Variants in PTPRF observed in about 807,000 individuals in gnomAD.
PTPRF encodes the protein protein tyrosine phosphatase receptor type F.
PTPRF carries 59 observed loss-of-function variants against 201.8 expected under a neutral mutation model. The ratio of observed to expected loss-of-function variants is 0.29; its 90% CI spans 0.24 to 0.36. PTPRF has a LOEUF of 0.36. Among genes scored for constraint, PTPRF ranks in the 10% least tolerant of loss-of-function variants. PTPRF has a pLI of 1.00. For synonymous variants in PTPRF, 1,088 were observed against 1,089.7 expected (o/e 1.00, Z 0.03); for missense variants, 2,132 against 2,690.5 (o/e 0.79, Z 4.59).
upstream of PTPRF, among the ~76,000 whole-genome samples, chr1:43,529,760 C>A (rs1032353702): frequency 7.9e-5 from 12 of 152,094 alleles, no homozygotes; most frequent in Non-Finnish European, 1.3e-4. Flanking sequence ...TCATCAAATC[C>A]CTCTGATCAG....
At chr1:43,540,903 A>T (rs537520313) in intron 2 of PTPRF, among the ~76,000 whole-genome samples, 54 of 152,228 alleles carry the variant, frequency 3.5e-4, no homozygotes, top group Non-Finnish European at 5.6e-4. Context: ...AGCTGGAAAC[A>T]TGTTGGTTTT....
intron 6 of PTPRF, among the ~76,000 whole-genome samples, chr1:43,578,133 G>C (rs772540219): frequency 1.3e-5 from 2 of 152,218 alleles, no homozygotes; most frequent in Non-Finnish European, 2.9e-5. Context: ...GCACTGGCCC[G>C]AGTGAGAGCT....
rs745550474 is a variant in PTPRF, at chr1:43,620,487, T to C, written c.5272T>C (p.Ser1758Pro). Residue 1758 changes from serine to proline, a missense_variant, in exon 31 of 34, where the codon TCT becomes CCT. By Grantham distance (74) the Ser-to-Pro change is moderately conservative. Around this residue, in one of 6 missense-constraint regions of PTPRF, gnomAD observed 519 missense variants for 659.5 expected, o/e 0.79. Coordinates refer to ENST00000359947, the MANE Select transcript of PTPRF (RefSeq NM_002840.5). ...CCACCAGTACTGGCCAGCAGAGCGC[T>C]CTGCTCGCTACCAGTACTTTGTTGT... The part of the protein sequence containing the change: ...KCHQYWPAER[S>P]ARYQYFVVDP... 4 of 1,613,336 alleles carry C rather than the reference T, an allele frequency of 2.5e-6. No individual in the cohort carries two copies. The highest frequency in any genetic ancestry group is 1.7e-5 in the Admixed American group (1 of 60,014).
Position 43,621,990 on chromosome 1 carries a change from A to G in PTPRF, c.5711A>G (p.His1904Arg), listed in dbSNP as rs1659328700. 2 of 1,614,040 alleles carry G rather than the reference A, an allele frequency of 1.2e-6. No homozygotes were observed. Among genetic ancestry groups the G allele is most frequent in the Non-Finnish European group, 1.7e-6 (2 of 1,179,976 alleles). Residue 1904 changes from histidine (H) to arginine (R), a missense_variant, in exon 34 of 34, where the codon CAC becomes CGC. Coordinates refer to ENST00000359947, the MANE Select transcript of PTPRF (RefSeq NM_002840.5). ...CTGGAGTACCTCGGCAGCTTTGACC[A>G]CTATGCAACGTAACTACCGCTCCCC... ...AALEYLGSFD[H>R]YAT
chr1:43,538,330 G>T, intron 2 of PTPRF, 53 bp downstream of exon 2: 2 of 398,862 alleles, frequency 5.0e-6, no homozygotes, highest in South Asian at 2.6e-4. Context: ...GGGTCCTATG[G>T]ACCAGGCTGA....
intron 5 of PTPRF, among the ~76,000 whole-genome samples, chr1:43,555,792 C>T (rs1347954899): frequency 6.6e-6 from 1 of 152,102 alleles, no homozygotes; most frequent in African/African-American, 2.4e-5. Context: ...ATGCAAGTAC[C>T]CTAATTTATT....
intron 21 of PTPRF, among the ~76,000 whole-genome samples, chr1:43,608,584 C>T (rs903771247): frequency 5.3e-5 from 8 of 152,224 alleles, no homozygotes; most frequent in African/African-American, 1.4e-4. Flanking sequence ...ATACATAATA[C>T]AGACTGCATT....
rs1051218933 is a variant in PTPRF, at chr1:43,603,088, G to A, written c.2341-328G>A. Among the ~76,000 whole-genome samples the A allele has an allele frequency of 1.3e-5, 2 of 152,164 alleles. No homozygotes were observed. The highest frequency in any genetic ancestry group is 2.9e-5 in the Non-Finnish European group (2 of 68,024). On this transcript the variant is annotated intron_variant, in intron 14 of 33. Coordinates refer to ENST00000359947, the MANE Select transcript of PTPRF (RefSeq NM_002840.5). The surrounding 1 kb of genome is among the most constrained non-coding windows in gnomAD (Gnocchi z 5.8). Reference sequence around the variant, plus strand: ...GCCACGCAAGGTGCTGGGTGCGTGCGAGGCTGTGCCCTGTTGATATCCTCA... The same window carrying A: ...GCCACGCAAGGTGCTGGGTGCGTGCAAGGCTGTGCCCTGTTGATATCCTCA...
chr1:43,547,372 G>A (rs1373676656), intron 3 of PTPRF, among the ~76,000 whole-genome samples: 1 of 152,230 alleles, frequency 6.6e-6, no homozygotes, highest in Non-Finnish European at 1.5e-5. Context: ...CCTTCTTCAG[G>A]TAGGGGGTTC....
intron 6 of PTPRF, among the ~76,000 whole-genome samples, chr1:43,570,698 C>A: frequency 6.6e-6 from 1 of 152,256 alleles, no homozygotes; most frequent in Admixed American, 6.5e-5. Context: ...AGCCTCACAG[C>A]CCCTTGGTGC....
At chr1:43,592,348 C>G in intron 10 of PTPRF, 109 bp from the exon 11 acceptor site, 1 of 1,368,888 alleles carries the variant, frequency 7.3e-7, no homozygotes, top group South Asian at 1.4e-5. Context: ...GGAGCCAGTC[C>G]TGGAGCCGTG....
Position 43,546,922 on chromosome 1 carries a change from G to A in PTPRF, c.91+1756G>A, listed in dbSNP as rs886296872. On this transcript the variant is annotated intron_variant, in intron 3 of 33. Transcript: ENST00000359947. This position sits in a 1 kb window ranked among gnomAD's most constrained non-coding sequence, Gnocchi z 4.2. ...GAATGCATCCACTTCTCTCTCTACC[G>A]CCTTCATCCAAGCCACCCTCGGCTC... 6.6e-5 allele frequency among the ~76,000 whole-genome samples: 10 copies of A among 152,150 alleles called. No individual in the cohort carries two copies. The highest frequency in any genetic ancestry group is 1.0e-4 in the Non-Finnish European group (7 of 68,004).
chr1:43,584,087 G>C (rs2154003274), intron 7 of PTPRF, among the ~76,000 whole-genome samples: 1 of 152,278 alleles, frequency 6.6e-6, no homozygotes, highest in East Asian at 1.9e-4. Context: ...TTTGGGGCTT[G>C]GTTTTCCGCC....
In PTPRF at chr1:43,592,564, C is replaced by T. The variant is rs747773000; in HGVS notation, c.1776C>T (p.Val592=). 1 of 1,608,654 alleles carries T rather than the reference C, an allele frequency of 6.2e-7. No individual in the cohort carries two copies. The highest frequency in any genetic ancestry group is 8.5e-7 in the Non-Finnish European group (1 of 1,178,098). ...LAARSDMGVG[V]FTPTIEARTA... ...CACGCTCGGATATGGGGGTGGGCGTCTTCACCCCCACCATTGAGGCCCGCA... is the reference window on the plus strand; with the variant it reads ...CACGCTCGGATATGGGGGTGGGCGTTTTCACCCCCACCATTGAGGCCCGCA... The change falls in exon 11 of 34, where the codon GTC becomes GTT. Residue 592 remains valine (V), a synonymous_variant. Coordinates refer to ENST00000359947, the MANE Select transcript of PTPRF (RefSeq NM_002840.5).
intron 33 of PTPRF, 151 bp from the exon 34 acceptor site, chr1:43,621,784 C>T: frequency 3.0e-6 from 2 of 673,122 alleles, no homozygotes; most frequent in Non-Finnish European, 5.0e-6. Flanking sequence ...CTCTTTCAGG[C>T]TCCCCCGCAC....
intron 6 of PTPRF, among the ~76,000 whole-genome samples, chr1:43,574,222 C>T (rs1299291080): frequency 1.3e-5 from 2 of 151,560 alleles, no homozygotes; most frequent in South Asian, 2.1e-4. Context: ...TCTTGAACTC[C>T]GAACCTCGGG....
At chr1:43,536,019 T>G (rs561176434) in intron 1 of PTPRF, among the ~76,000 whole-genome samples, 17 of 152,288 alleles carry the variant, frequency 1.1e-4, no homozygotes, top group African/African-American at 3.8e-4. Context: ...TCCACCTGCC[T>G]TGGCCTCCCA....
At chr1:43,539,218 A>G (rs1460414560) in intron 2 of PTPRF, among the ~76,000 whole-genome samples, 1 of 152,162 alleles carries the variant, frequency 6.6e-6, no homozygotes, top group African/African-American at 2.4e-5. Flanking sequence ...GTGAGGATGG[A>G]GGCAGGTCAG....
At chr1:43,600,789 C>G (rs1653559422) in intron 13 of PTPRF, among the ~76,000 whole-genome samples, 1 of 152,010 alleles carries the variant, frequency 6.6e-6, no homozygotes, top group African/African-American at 2.4e-5. Context: ...CTTGCTCTTT[C>G]TCTTCTCTCT....
Sources: gnomAD v4.1 joint callset for allele counts (sites outside exome capture counted in the v4.1 genomes callset) on GRCh38, gnomAD v4.1.1 for gene constraint, gnomAD v4.1.1 regional missense constraint, Gnocchi (gnomAD v3.1) non-coding constraint, MANE v1.5 for transcripts, NCBI Gene and HGNC (gene_info 2026-07-23, HGNC 2026-07-21) for gene names.